ZBTB20: variants seen among roughly 807,000 people sequenced by gnomAD.
The protein encoded by ZBTB20 is zinc finger and BTB domain containing 20.
A neutral mutation model predicts 56.9 loss-of-function variants in ZBTB20; 9 were observed. The observed-to-expected ratio is 0.16, with a 90% CI of 0.10 to 0.28. The LOEUF (loss-of-function observed/expected upper bound fraction) is 0.28. Among genes scored for constraint, ZBTB20 ranks in the 10% least tolerant of loss-of-function variants. ZBTB20 has a pLI of 1.00. For synonymous variants in ZBTB20, 417 were observed against 420.7 expected, an observed-to-expected ratio of 0.99 and a Z score of 0.11; for missense variants, 655 against 1,003.0, an observed-to-expected ratio of 0.65 and a Z score of 4.69.
intron 6 of ZBTB20, among the ~76,000 whole-genome samples, chr3:114,554,784 T>C (rs1321865568): frequency 4.6e-5 from 7 of 152,092 alleles, no homozygotes; most frequent in Admixed American, 4.6e-4. Context: ...ATCTTTTTAA[T>C]ATCCCCCAAA....
chr3:114,447,377 CA>C (rs2091334337), intron 7 of ZBTB20, among the ~76,000 whole-genome samples: 3 of 152,162 alleles, frequency 2.0e-5, no homozygotes, highest in African/African-American at 7.2e-5. Flanking sequence ...TGAATATCAC[CA>C]AAATCCTGCA....
chr3:114,923,353 G>A (rs1049475921), intron 3 of ZBTB20, among the ~76,000 whole-genome samples: 2 of 152,066 alleles, frequency 1.3e-5, no homozygotes, highest in Non-Finnish European at 2.9e-5. Context: ...AAAATAGTTT[G>A]GTACCAGCAT....
intron 7 of ZBTB20, among the ~76,000 whole-genome samples, chr3:114,407,417 G>T (rs975529474): frequency 6.6e-6 from 1 of 152,098 alleles, no homozygotes; most frequent in African/African-American, 2.4e-5. Flanking sequence ...TTTTAAACAG[G>T]GTTGTCCAGA....
intron 4 of ZBTB20, among the ~76,000 whole-genome samples, chr3:114,842,524 T>C (rs2074427408): frequency 1.3e-5 from 2 of 152,048 alleles, no homozygotes; most frequent in African/African-American, 2.4e-5. Context: ...GCTTACACAG[T>C]AGTAAAATGG....
intron 1 of ZBTB20, among the ~76,000 whole-genome samples, 190 bp downstream of exon 1, chr3:115,147,029 C>T (rs2085017732): frequency 1.3e-5 from 2 of 149,474 alleles, no homozygotes; most frequent in South Asian, 4.2e-4. Flanking sequence ...GGCGCGCGCG[C>T]TCATCCAGCT....
rs556452993 is a variant in ZBTB20 at position 114,843,686 on chromosome 3, T to C, written c.-416-42512A>G. On this transcript the variant is annotated intron_variant, in intron 4 of 11. Coordinates refer to ENST00000675478, the MANE Select transcript of ZBTB20 (RefSeq NM_001348800.3). ...GGCCAGCCAAGCATATATATATATA[T>C]TTTTTTTTGAGACGGAGTCTCACTC... is the stretch of plus-strand genomic sequence containing the variant. 3.3e-3 allele frequency among the ~76,000 whole-genome samples: 491 copies of C among 150,194 alleles called. 3 individuals are homozygous for C. Among genetic ancestry groups the C allele is most frequent in the African/African-American group, 0.011 (467 of 41,186 alleles).
intron 5 of ZBTB20, among the ~76,000 whole-genome samples, chr3:114,705,246 A>T (rs2063647053): frequency 6.6e-6 from 1 of 152,162 alleles, no homozygotes; most frequent in African/African-American, 2.4e-5. Context: ...GATCTGTTTC[A>T]GAACACATAA....
chr3:115,141,914 T>C (rs2084821617), intron 1 of ZBTB20, among the ~76,000 whole-genome samples: 1 of 152,226 alleles, frequency 6.6e-6, no homozygotes, highest in South Asian at 2.1e-4. Context: ...AGATTTCATC[T>C]TCTGCCGTTA....
At chr3:114,454,164 GAAA>G (rs2091834508) in intron 7 of ZBTB20, among the ~76,000 whole-genome samples, 1 of 108,268 alleles carries the variant, frequency 9.2e-6, no homozygotes, top group Admixed American at 1.1e-4. Context: ...GAAGAGAGAG[GAAA>G]AGAGAAGGGA....
chr3:114,844,520 C>CAAAAAAAA (rs71146342), intron 4 of ZBTB20, among the ~76,000 whole-genome samples: 2,724 of 22,798 alleles, frequency 0.12, 1,155 homozygotes, highest in East Asian at 0.25. Flanking sequence ...GTCCCTGTCT[C>CAAAAAAAA]AAAAAAAAAA....
At position 114,778,997 on chromosome 3, in the gene ZBTB20, A is replaced by T. The variant is rs115448275; in HGVS notation, c.-343+22104T>A. Among the ~76,000 whole-genome samples, 1,171 of 152,304 alleles carry T rather than the reference A, an allele frequency of 7.7e-3. 11 individuals carry two copies. The highest frequency in any genetic ancestry group is 0.025 in the African/African-American group (1,059 of 41,566). The stretch of plus-strand genomic sequence containing the variant: ...CTAATAGTTATCCCTATACACCTTC[A>T]TTTCAATAAACATGAAAAATGGGAA... On this transcript the variant is annotated intron_variant, in intron 5 of 11. Transcript: ENST00000675478.
chr3:115,122,169 C>G (rs980539691), intron 1 of ZBTB20, among the ~76,000 whole-genome samples: 13 of 151,894 alleles, frequency 8.6e-5, no homozygotes, highest in Admixed American at 8.5e-4. Context: ...TTATGCTGAA[C>G]CGTCTTAATT....
chr3:114,352,359 CTTAT>C (rs1305798643), intron 10 of ZBTB20, among the ~76,000 whole-genome samples: 2 of 152,184 alleles, frequency 1.3e-5, no homozygotes, highest in African/African-American at 4.8e-5. Flanking sequence ...ATCAAAGTCC[CTTAT>C]TTTATTCATA....
chr3:114,749,717 G>A (rs2067413777), intron 5 of ZBTB20, among the ~76,000 whole-genome samples: 1 of 152,182 alleles, frequency 6.6e-6, no homozygotes, highest in African/African-American at 2.4e-5. Context: ...TGTGGAAATG[G>A]AGAAAGGATG....
At chr3:115,090,775 A>G (rs2083160674) in intron 1 of ZBTB20, among the ~76,000 whole-genome samples, 2 of 151,932 alleles carry the variant, frequency 1.3e-5, no homozygotes, top group Non-Finnish European at 2.9e-5. Flanking sequence ...GTAGATAGGA[A>G]AGGTAATATA....
intron 6 of ZBTB20, among the ~76,000 whole-genome samples, chr3:114,558,560 G>T (rs1433289384): frequency 6.6e-6 from 1 of 151,966 alleles, no homozygotes; most frequent in African/African-American, 2.4e-5. Context: ...TCTCCACGAG[G>T]CAATGTATTA....
intron 6 of ZBTB20, among the ~76,000 whole-genome samples, chr3:114,540,942 A>T (rs2049038846): frequency 6.6e-6 from 1 of 152,110 alleles, no homozygotes; most frequent in Admixed American, 6.6e-5. Flanking sequence ...AAACAATGCT[A>T]CTATGACGAT....
intron 3 of ZBTB20, among the ~76,000 whole-genome samples, chr3:114,936,581 T>C (rs2076542885): frequency 6.6e-6 from 1 of 152,162 alleles, no homozygotes; most frequent in Admixed American, 6.5e-5. Flanking sequence ...AGTTTTTTAA[T>C]GAATGGATAA....
chr3:114,562,053 A>T (rs148436625), intron 6 of ZBTB20, among the ~76,000 whole-genome samples: 123 of 152,274 alleles, frequency 8.1e-4, no homozygotes, highest in African/African-American at 2.8e-3. Flanking sequence ...TCATGAATCA[A>T]TCTCCACTGG....
Sources: allele counts gnomAD v4.1 joint callset (sites outside exome capture counted in the v4.1 genomes callset), GRCh38; gene constraint gnomAD v4.1.1; transcripts MANE v1.5; gene names NCBI Gene and HGNC (gene_info 2026-07-23, HGNC 2026-07-21).